SH2D7: variants seen among roughly 807,000 people sequenced by gnomAD.
SH2D7 encodes the protein SH2 domain containing 7.
Under a neutral mutation model 40.8 loss-of-function variants are expected in SH2D7, and 32 were observed. That is an observed-to-expected ratio of 0.78 (90% CI 0.59 to 1.05). The LOEUF (loss-of-function observed/expected upper bound fraction) is 1.05. Among genes scored for constraint, SH2D7 ranks in the 50% least tolerant of loss-of-function variants. The probability of loss-of-function intolerance (pLI) is 0.00; values close to 1 mark genes in which losing one functional copy is unlikely to be tolerated. For missense variants in SH2D7, 559 were observed against 566.6 expected, an observed-to-expected ratio of 0.99 and a Z score of 0.14; for synonymous variants, 195 against 221.5, an observed-to-expected ratio of 0.88 and a Z score of 1.06.
chr15:78,099,037 A>G lies in SH2D7; in HGVS notation c.645+441A>G, dbSNP rs1055711453. 6.0e-5 allele frequency among the ~76,000 whole-genome samples: 9 copies of G among 150,966 alleles called. No individual in the cohort carries two copies. The South Asian group carries it at 6.3e-4, about 11-fold the overall frequency. On this transcript the variant is annotated intron_variant, in intron 4 of 5. Transcript: ENST00000328828. ...TTCTTTTCTTTTTTTTTTTTGAGACAGAGTCTCGCTGCAATGCCCAGGCTG... is the reference window on the plus strand; with the variant it reads ...TTCTTTTCTTTTTTTTTTTTGAGACGGAGTCTCGCTGCAATGCCCAGGCTG...
upstream of SH2D7, among the ~76,000 whole-genome samples, chr15:78,090,941 A>G (rs2073937262): frequency 6.6e-6 from 1 of 152,108 alleles, no homozygotes. Flanking sequence ...CACTCAACCC[A>G]CCAACCAGAT....
chr15:78,100,715 A>C (rs1307203053), intron 4 of SH2D7, among the ~76,000 whole-genome samples, 184 bp from the exon 5 acceptor site: 1 of 152,212 alleles, frequency 6.6e-6, no homozygotes, highest in Non-Finnish European at 1.5e-5. Context: ...AACAAAAAAA[A>C]GAACAAGTTC....
chr15:78,092,499 G>C (rs542397284), upstream of SH2D7: 21 of 1,421,400 alleles, frequency 1.5e-5, no homozygotes, highest in East Asian at 4.5e-4. Flanking sequence ...GGTAGGGCAC[G>C]GGCTCAGGCA....
intron 5 of SH2D7, 95 bp from the exon 6 acceptor site, chr15:78,103,370 C>A: frequency 1.1e-5 from 16 of 1,427,782 alleles, no homozygotes; most frequent in Non-Finnish European, 1.4e-5. Flanking sequence ...TAGGCTTGGG[C>A]CCCCAACCCA....
At chr15:78,094,695 T>C (rs933151198) in intron 2 of SH2D7, among the ~76,000 whole-genome samples, 4 of 152,168 alleles carry the variant, frequency 2.6e-5, no homozygotes, top group African/African-American at 9.7e-5. Context: ...CTTGGATGCC[T>C]GGCTAAGTCT....
At position 78,101,402 on chromosome 15, in the gene SH2D7, C is replaced by T. The variant is rs555876420; in HGVS notation, c.1149C>T (p.Gly383=). 8.7e-6 allele frequency: 14 copies of T among 1,613,454 alleles called. No individual in the cohort carries two copies. The highest frequency in any genetic ancestry group is 1.1e-5 in the Non-Finnish European group (13 of 1,179,686). The change falls in exon 5 of 6, where the codon GGC becomes GGT. Residue 383 remains glycine (G), a synonymous_variant. Coordinates refer to ENST00000328828, the MANE Select transcript of SH2D7 (RefSeq NM_001101404.2). ...TYEQIPACWG[G]PARAPHPGAS... is the part of the protein sequence containing the mutation. ...AGCAGATCCCAGCTTGCTGGGGTGG[C>T]CCAGCCAGGGCCCCACATCCTGGGG... is the stretch of plus-strand genomic sequence containing the variant.
At chr15:78,095,966 C>T (rs1157443864) in intron 2 of SH2D7, among the ~76,000 whole-genome samples, 1 of 152,082 alleles carries the variant, frequency 6.6e-6, no homozygotes, top group Non-Finnish European at 1.5e-5. Context: ...TCTCAGCCTC[C>T]CAACTAGCTG....
chr15:78,098,597 G>A lies in SH2D7; in HGVS notation c.645+1G>A. 6.2e-7 allele frequency: 1 copy of A among 1,613,114 alleles called. No homozygotes were observed. Among genetic ancestry groups the A allele is most frequent in the Non-Finnish European group, 8.5e-7 (1 of 1,179,584 alleles). On this transcript the variant is annotated splice_donor_variant, in intron 4 of 5. Transcript: ENST00000328828. LOFTEE classifies it high-confidence loss of function. ...CCTCTCCCAGGAGGAAAGCATGGAG[G>A]TGAGGAGCATTATGGGCCACCTAGA...
At chr15:78,101,874 C>T (rs2074019936) in intron 5 of SH2D7, among the ~76,000 whole-genome samples, 1 of 152,220 alleles carries the variant, frequency 6.6e-6, no homozygotes, top group African/African-American at 2.4e-5. Context: ...AGAATGGCCC[C>T]TTTGCTCCTA....
intron 4 of SH2D7, 149 bp from the exon 5 acceptor site, chr15:78,100,750 C>T (rs947237104): frequency 4.4e-5 from 35 of 802,438 alleles, no homozygotes; most frequent in Non-Finnish European, 6.4e-5. Context: ...TGGAAGGGAC[C>T]CTGAGTGTCA....
intron 5 of SH2D7, among the ~76,000 whole-genome samples, chr15:78,102,620 C>A (rs1429277221): frequency 6.6e-6 from 1 of 152,014 alleles, no homozygotes; most frequent in African/African-American, 2.4e-5. Flanking sequence ...GCTTCCAGGA[C>A]CTTCTAAGGG....
At chr15:78,099,480 AT>A (rs34331155) in intron 4 of SH2D7, among the ~76,000 whole-genome samples, 43,723 of 133,046 alleles carry the variant, frequency 0.33, 7,271 homozygotes, top group Middle Eastern at 0.44. Context: ...TGCCTGGCTA[AT>A]TTTTTTTTTT....
intron 1 of SH2D7, among the ~76,000 whole-genome samples, 192 bp downstream of exon 1, chr15:78,092,952 G>A (rs987824598): frequency 4.0e-5 from 6 of 151,232 alleles, no homozygotes; most frequent in African/African-American, 7.4e-5. Context: ...AGGCAGAGTC[G>A]GGGAGGGCAA....
chr15:78,103,466 C>G lies in SH2D7; in HGVS notation c.1307C>G (p.Pro436Arg). 1.3e-6 allele frequency: 2 copies of G among 1,559,422 alleles called. No individual in the cohort carries two copies. The highest frequency in any genetic ancestry group is 1.4e-5 in the African/African-American group (1 of 73,576). Residue 436 changes from proline to arginine, a missense_variant and splice_region_variant, in exon 6 of 6, where the codon CCT (proline) becomes CGT (arginine). Pro to Arg is a moderately radical substitution (Grantham distance 103). Transcript: ENST00000328828. Reference sequence around the variant, plus strand: ...CCAGTATCTCCTCCTTCCTTGCAGCCTGACAAGCTTCGGAGGCTCTTCTTC... The same window carrying G: ...CCAGTATCTCCTCCTTCCTTGCAGCGTGACAAGCTTCGGAGGCTCTTCTTC... ...KSKETGRTHKPDKLRRLFFTY... is the reference protein window; with the variant it reads ...KSKETGRTHKRDKLRRLFFTY...
intron 4 of SH2D7, 88 bp downstream of exon 4, chr15:78,098,684 C>A: frequency 2.1e-6 from 3 of 1,424,606 alleles, no homozygotes; most frequent in Admixed American, 4.1e-5. Flanking sequence ...GAGGCCAGGC[C>A]AGCCACTCCC....
chr15:78,101,481 C>T lies in SH2D7; in HGVS notation c.1228C>T (p.Pro410Ser), dbSNP rs1485182968. The T allele has an allele frequency of 1.2e-6, 2 of 1,613,420 alleles. No individual in the cohort carries two copies. Among genetic ancestry groups the T allele is most frequent in the Admixed American group, 1.7e-5 (1 of 59,916 alleles). Residue 410 changes from proline to serine, a missense_variant, in exon 5 of 6, where the codon CCA (proline) becomes TCA (serine). Coordinates refer to ENST00000328828, the MANE Select transcript of SH2D7 (RefSeq NM_001101404.2). ...TGGCTACAAGAGGATCTCAGGGACC[C>T]CAGAGCTCTCAGAGCCTGGGAACAC... is the stretch of plus-strand genomic sequence containing the variant. The part of the protein sequence containing the change: ...VHGYKRISGT[P>S]ELSEPGNTYE...
At chr15:78,103,433 C>G in intron 5 of SH2D7, 32 bp from the exon 6 acceptor site, 7 of 1,552,346 alleles carry the variant, frequency 4.5e-6, no homozygotes, top group Non-Finnish European at 6.1e-6. Context: ...GTCCAGCGAC[C>G]CCAGGCCCCA....
At chr15:78,090,645 CA>C (rs2073935160), upstream of SH2D7, among the ~76,000 whole-genome samples, 1 of 151,868 alleles carries the variant, frequency 6.6e-6, no homozygotes, top group Non-Finnish European at 1.5e-5. Flanking sequence ...TCATCATCAT[CA>C]TCATCATCAT....
chr15:78,098,522 C>T lies in SH2D7; in HGVS notation c.571C>T (p.Gln191Ter), dbSNP rs1259546202. 1 of 1,613,950 alleles carries T rather than the reference C, an allele frequency of 6.2e-7. No homozygotes were observed. Among genetic ancestry groups the T allele is most frequent in the Admixed American group, 1.7e-5 (1 of 60,008 alleles). Reference sequence around the variant, plus strand: ...CAGCCCCCGCTCTTCTCCAAAGCCCCAGGTCTCCTTCCTCCATGCACAGAA... The same window carrying T: ...CAGCCCCCGCTCTTCTCCAAAGCCCTAGGTCTCCTTCCTCCATGCACAGAA... ...AASPRSSPKP[Q>*]VSFLHAQKSL... Residue 191 changes from glutamine to a stop codon, truncating the protein, a stop_gained, in exon 4 of 6, where the codon CAG becomes TAG. Coordinates refer to ENST00000328828, the MANE Select transcript of SH2D7 (RefSeq NM_001101404.2). LOFTEE classifies it high-confidence loss of function.
Sources: gnomAD v4.1 joint callset for allele counts (sites outside exome capture counted in the v4.1 genomes callset) on GRCh38, gnomAD v4.1.1 for gene constraint, MANE v1.5 for transcripts, NCBI Gene and HGNC (gene_info 2026-07-23, HGNC 2026-07-21) for gene names.